Variants in ERCC6 observed in about 807,000 individuals in gnomAD.
ERCC6 encodes the protein DNA excision repair protein ERCC-6.
ERCC6 carries 116 observed loss-of-function variants against 158.7 expected under a neutral mutation model. The ratio of observed to expected loss-of-function variants is 0.73; its 90% CI spans 0.63 to 0.85. The LOEUF (loss-of-function observed/expected upper bound fraction) is 0.85. ERCC6 is among the 40% of genes least tolerant of loss of function. The pLI is 0.00. For synonymous variants in ERCC6, 678 were observed against 659.3 expected (o/e 1.03, Z -0.43); for missense variants, 1,698 against 1,799.4 (o/e 0.94, Z 1.02).
At chr10:49,473,063 CTT>C (rs1850810416) in intron 14 of ERCC6, 35 bp from the exon 15 acceptor site, 8 of 1,613,810 alleles carry the variant, frequency 5.0e-6, no homozygotes, top group Non-Finnish European at 5.9e-6. Context: ...AGCACACACA[CTT>C]AAGACCAGTT....
the ERCC6 span, among the ~76,000 whole-genome samples, chr10:49,442,210 A>C: frequency 6.6e-6 from 1 of 152,254 alleles, no homozygotes; most frequent in East Asian, 1.9e-4. Context: ...AACGACAGTT[A>C]CGCACGGGTG....
the ERCC6 span, among the ~76,000 whole-genome samples, chr10:49,442,344 G>A: frequency 3.3e-5 from 5 of 152,314 alleles, no homozygotes; most frequent in African/African-American, 4.8e-5. Context: ...CTTGCAAAGC[G>A]AAAGCAAAGG....
At chr10:49,524,970 C>T in intron 4 of ERCC6, 193 bp from the exon 5 acceptor site, 1 of 1,387,186 alleles carries the variant, frequency 7.2e-7, no homozygotes, top group Non-Finnish European at 9.5e-7. Flanking sequence ...TTAATATATT[C>T]CTGTTCAAAA....
At chr10:49,448,193 C>G in the ERCC6 span, among the ~76,000 whole-genome samples, 3 of 152,166 alleles carry the variant, frequency 2.0e-5, no homozygotes, top group Non-Finnish European at 4.4e-5. Context: ...TCCTTGTCAA[C>G]ATTTGTTATT....
At chr10:49,445,943 G>A in the ERCC6 span, among the ~76,000 whole-genome samples, 1 of 152,076 alleles carries the variant, frequency 6.6e-6, no homozygotes, top group African/African-American at 2.4e-5. Flanking sequence ...TCTACCTCCC[G>A]CTACAGAGAA....
At chr10:49,440,310 A>C in the ERCC6 span, among the ~76,000 whole-genome samples, 4 of 152,218 alleles carry the variant, frequency 2.6e-5, no homozygotes, top group African/African-American at 9.7e-5. Context: ...AATGAGAAAG[A>C]AGCAAAAGCA....
chr10:49,506,781 T>C (rs1199900069), intron 5 of ERCC6, among the ~76,000 whole-genome samples: 1 of 151,696 alleles, frequency 6.6e-6, no homozygotes, highest in Non-Finnish European at 1.5e-5. Context: ...TTTACATAAC[T>C]ATAATGGACT....
chr10:49,479,238 T>C (rs1413885304), intron 10 of ERCC6, among the ~76,000 whole-genome samples: 2 of 152,142 alleles, frequency 1.3e-5, no homozygotes, highest in African/African-American at 2.4e-5. Context: ...AATTACTATT[T>C]CATGGAAAAA....
downstream of ERCC6, among the ~76,000 whole-genome samples, chr10:49,450,656 A>G (rs1360975332): frequency 6.6e-6 from 1 of 151,802 alleles, no homozygotes; most frequent in Non-Finnish European, 1.5e-5. Flanking sequence ...CCATTTATTT[A>G]GGTCTTCTTT....
At chr10:49,471,576 GC>G (rs1850782082) in intron 16 of ERCC6, among the ~76,000 whole-genome samples, 2 of 152,042 alleles carry the variant, frequency 1.3e-5, no homozygotes, top group African/African-American at 2.4e-5. Context: ...TCCACACTCT[GC>G]TGAAGCCCCA....
At chr10:49,447,402 C>T in the ERCC6 span, among the ~76,000 whole-genome samples, 2 of 152,084 alleles carry the variant, frequency 1.3e-5, no homozygotes, top group African/African-American at 4.8e-5. Flanking sequence ...AGAAATCACT[C>T]CCCAGCTGGG....
At chr10:49,514,489 G>A (rs1836891568) in intron 5 of ERCC6, among the ~76,000 whole-genome samples, 1 of 152,154 alleles carries the variant, frequency 6.6e-6, no homozygotes. Flanking sequence ...ACTTCAAGGA[G>A]GTCACCTACC....
In ERCC6 at chr10:49,458,210, C is replaced by G. The variant is rs1850515331; in HGVS notation, c.*605G>C. 1.3e-5 allele frequency: 2 copies of G among 153,526 alleles called. 1 individual carries two copies. Among genetic ancestry groups the G allele is most frequent in the Admixed American group, 1.3e-4 (2 of 15,492 alleles). The allele number at this position is 153,526 out of a possible 1,614,324, so 9.5% of individuals were successfully genotyped here. A position where few individuals can be genotyped will look rare whatever the true frequency, so the allele number is the denominator to read the frequency against. On this transcript the variant is annotated 3_prime_UTR_variant, in exon 21 of 21. Transcript: ENST00000355832. ...CAAATACATGTCTTATCATTTATTA[C>G]CATACTATTTCATGCTTTACTAATA...
chr10:49,478,300 G>A, intron 11 of ERCC6, 54 bp downstream of exon 11: 1 of 1,169,234 alleles, frequency 8.6e-7, no homozygotes, highest in East Asian at 2.3e-5. Flanking sequence ...CAGAGTGAAG[G>A]GAAAGACACA....
intron 3 of ERCC6, among the ~76,000 whole-genome samples, chr10:49,529,298 A>T (rs1837415046): frequency 6.6e-6 from 1 of 152,236 alleles, no homozygotes; most frequent in South Asian, 2.1e-4. Context: ...GTTTTTTCTC[A>T]GTTTTTCTCT....
intron 18 of ERCC6, among the ~76,000 whole-genome samples, chr10:49,462,625 G>A (rs865824160): frequency 1.3e-5 from 2 of 151,776 alleles, no homozygotes; most frequent in Non-Finnish European, 2.9e-5. Flanking sequence ...AAAACCAAGG[G>A]GAAAAAGGGA....
At chr10:49,476,650 T>C (rs2132544752) in intron 11 of ERCC6, among the ~76,000 whole-genome samples, 1 of 152,162 alleles carries the variant, frequency 6.6e-6, no homozygotes, top group South Asian at 2.1e-4. Context: ...ACCCATGCCA[T>C]GCTCTACTCG....
At chr10:49,535,508 CA>C (rs1837575234) in intron 1 of ERCC6, among the ~76,000 whole-genome samples, 1 of 152,190 alleles carries the variant, frequency 6.6e-6, no homozygotes, top group African/African-American at 2.4e-5. Flanking sequence ...CCTCACTTTC[CA>C]ACAGAGAGAG....
chr10:49,515,130 G>C, intron 5 of ERCC6: 1 of 1,215,780 alleles, frequency 8.2e-7, no homozygotes, highest in Non-Finnish European at 1.1e-6. Flanking sequence ...TTATGTCTGA[G>C]GTTACAATTT....
Sources: allele counts gnomAD v4.1 joint callset (sites outside exome capture counted in the v4.1 genomes callset), GRCh38; gene constraint gnomAD v4.1.1; transcripts MANE v1.5; gene names NCBI Gene and HGNC (gene_info 2026-07-23, HGNC 2026-07-21).